Variants in TUFM observed in about 807,000 individuals in gnomAD.
The protein encoded by TUFM is Tu translation elongation factor, mitochondrial.
TUFM carries 23 observed loss-of-function variants against 45.0 expected under a neutral mutation model. The observed-to-expected ratio is 0.51, with a 90% CI of 0.37 to 0.72. The LOEUF (loss-of-function observed/expected upper bound fraction) is 0.72. Ranked by LOEUF, TUFM falls within the 30% of genes least tolerant of loss-of-function variation. The probability of loss-of-function intolerance (pLI) is 0.00; values close to 1 mark genes in which losing one functional copy is unlikely to be tolerated. For synonymous variants in TUFM, 243 were observed against 252.9 expected, an observed-to-expected ratio of 0.96 and a Z score of 0.37; for missense variants, 490 against 610.7, an observed-to-expected ratio of 0.80 and a Z score of 2.08.
chr16:28,845,205 C>T (rs1961908843), intron 3 of TUFM, 109 bp downstream of exon 3: 3 of 1,593,052 alleles, frequency 1.9e-6, no homozygotes, highest in Non-Finnish European at 1.7e-6. Flanking sequence ...ACAAACCTGC[C>T]ATCTCATACC....
Position 28,846,012 on chromosome 16 carries a change from C to T in TUFM, c.147G>A (p.Glu49=). ...TGTCGCGCACGTAAGTCTTCTTGGC[C>T]TCCACGGCCAGGCCGCGGCACAAGA... ...LPLLCRGLAV[E]AKKTYVRDKP... is the part of the protein sequence containing the mutation. The change falls in exon 2 of 10, where the codon GAG becomes GAA. Residue 49 remains glutamate, a synonymous_variant. Coordinates refer to ENST00000313511, the MANE Select transcript of TUFM (RefSeq NM_003321.5). 4 of 1,613,974 alleles carry T rather than the reference C, an allele frequency of 2.5e-6. No individual in the cohort carries two copies. Among genetic ancestry groups the T allele is most frequent in the Non-Finnish European group, 2.5e-6 (3 of 1,180,044 alleles).
In TUFM at chr16:28,843,131, C is replaced by T. The variant is rs753588078; in HGVS notation, c.1212G>A (p.Gly404=). The change falls in exon 10 of 10, where the codon GGG becomes GGA. Residue 404 remains glycine (G), a synonymous_variant. Transcript: ENST00000313511. ...AGATTAGGTTGAACTTCAGGTCCTC[C>T]CCGGGCATGGCAAGCTCCTAGAGTA... is the stretch of plus-strand genomic sequence containing the variant. ...LPPEKELAMP[G]EDLKFNLILR... is the part of the protein sequence containing the mutation. 18 of 1,614,078 alleles carry T rather than the reference C, an allele frequency of 1.1e-5. No homozygotes were observed. Among genetic ancestry groups the T allele is most frequent in the Admixed American group, 1.7e-5 (1 of 59,996 alleles).
intron 9 of TUFM, 81 bp downstream of exon 9, chr16:28,843,655 G>A (rs911278993): frequency 1.1e-5 from 17 of 1,591,478 alleles, no homozygotes; most frequent in Non-Finnish European, 1.4e-5. Context: ...GGTTGTCACA[G>A]TGTATCTTTG....
In TUFM at chr16:28,844,023, C is replaced by T. The variant is rs753682714; in HGVS notation, c.1001G>A (p.Arg334Gln). 9.9e-6 allele frequency: 16 copies of T among 1,614,208 alleles called. No individual in the cohort carries two copies. Among genetic ancestry groups the T allele is most frequent in the South Asian group, 5.5e-5 (5 of 91,082 alleles). The change falls in exon 8 of 10, where the codon CGG becomes CAG. Residue 334 changes from arginine (R) to glutamine (Q), a missense_variant. Coordinates refer to ENST00000313511, the MANE Select transcript of TUFM (RefSeq NM_003321.5). The surrounding 1 kb of genome is among the most constrained non-coding windows in gnomAD (Gnocchi z 5.8). The stretch of plus-strand genomic sequence containing the variant: ...GACCAGGCCCCGCCGCAAGTCCTCC[C>T]GCTTCAAGCCTCGGACCAGGGCCCC... ...NLGALVRGLKREDLRRGLVMV... is the reference protein window; with the variant it reads ...NLGALVRGLKQEDLRRGLVMV...
rs763468042 is a variant in TUFM, at chr16:28,844,110, G to T, written c.923-9C>A. 5.8e-5 allele frequency: 93 copies of T among 1,614,100 alleles called. No homozygotes were observed. The highest frequency in any genetic ancestry group is 7.8e-5 in the Non-Finnish European group (92 of 1,180,048). ...GTGGAACATCTCAATGCCTAGGACG[G>T]AAAGGGAAAAGGAGCAGGGAGAAGG... On this transcript the variant is annotated splice_polypyrimidine_tract_variant and intron_variant, in intron 7 of 9. Coordinates refer to ENST00000313511, the MANE Select transcript of TUFM (RefSeq NM_003321.5). The surrounding 1 kb of genome is among the most constrained non-coding windows in gnomAD (Gnocchi z 5.8).
chr16:28,844,864 T>C lies in TUFM; in HGVS notation c.520-2A>G. 6.2e-7 allele frequency: 1 copy of C among 1,614,112 alleles called. No individual in the cohort carries two copies. Among genetic ancestry groups the C allele is most frequent in the Non-Finnish European group, 8.5e-7 (1 of 1,180,032 alleles). On this transcript the variant is annotated splice_acceptor_variant, in intron 4 of 9. Coordinates refer to ENST00000313511, the MANE Select transcript of TUFM (RefSeq NM_003321.5). LOFTEE classifies it high-confidence loss of function. This position sits in a 1 kb window ranked among gnomAD's most constrained non-coding sequence, Gnocchi z 5.8. ...CACCACCACATGCTCCACCCCAATC[T>C]GTAGATGCCAGAGAGACAGGGACAA...
At chr16:28,845,508 A>C in intron 2 of TUFM, 28 bp from the exon 3 acceptor site, 1 of 1,613,976 alleles carries the variant, frequency 6.2e-7, no homozygotes, top group Non-Finnish European at 8.5e-7. Context: ...CACACCTCTC[A>C]GCTAAAGTTC....
rs768955975 is a variant in TUFM, at chr16:28,844,782, C to T, written c.600G>A (p.Leu200=). 14 of 1,614,058 alleles carry T rather than the reference C, an allele frequency of 8.7e-6. 1 individual carries two copies. The highest frequency in any genetic ancestry group is 1.1e-5 in the Non-Finnish European group (13 of 1,180,034). ...QDSEMVELVE[L]EIRELLTEFG... ...ACTCGGTGAGCAGCTCCCGGATCTCCAGTTCCACCAGTTCCACCATCTCAG... is the reference window on the plus strand; with the variant it reads ...ACTCGGTGAGCAGCTCCCGGATCTCTAGTTCCACCAGTTCCACCATCTCAG... Residue 200 remains leucine (L), a synonymous_variant, in exon 5 of 10, where the codon CTG becomes CTA. Coordinates refer to ENST00000313511, the MANE Select transcript of TUFM (RefSeq NM_003321.5). The surrounding 1 kb of genome is among the most constrained non-coding windows in gnomAD (Gnocchi z 5.8).
At chr16:28,843,181 T>A in intron 9 of TUFM, 33 bp from the exon 10 acceptor site, 1 of 1,613,460 alleles carries the variant, frequency 6.2e-7, no homozygotes, top group Non-Finnish European at 8.5e-7. Context: ...ATGCGTGGCC[T>A]CCAGGGTGCC....
chr16:28,845,844 G>C (rs1961936911), intron 2 of TUFM, 68 bp downstream of exon 2: 8 of 1,588,032 alleles, frequency 5.0e-6, no homozygotes, highest in African/African-American at 1.3e-5. Context: ...CACTCTGCTG[G>C]CCTTGCCTCC....
Position 28,845,967 on chromosome 16 carries a change from AC to A in TUFM, c.191del (p.Gly64ValfsTer13). 6.2e-7 allele frequency: 1 copy of A among 1,614,046 alleles called. No homozygotes were observed. The highest frequency in any genetic ancestry group is 8.5e-7 in the Non-Finnish European group (1 of 1,180,000). ...YVRDKPHVNV[G>X]TIGHVDHGKT... is the part of the protein sequence containing the mutation. ...TCCCGTGGTCCACATGGCCGATGGT[AC>A]CCACATTCACATGTGGCTTGTCGCG... On this transcript the variant is annotated frameshift_variant, in exon 2 of 10. Transcript: ENST00000313511. LOFTEE classifies it high-confidence loss of function.
chr16:28,845,167 T>C (rs894284118), intron 3 of TUFM, 112 bp from the exon 4 acceptor site: 29 of 1,556,508 alleles, frequency 1.9e-5, no homozygotes, highest in Non-Finnish European at 2.4e-5. Context: ...TACCATCTCC[T>C]CACCACCCAT....
intron 3 of TUFM, 75 bp from the exon 4 acceptor site, chr16:28,845,130 A>G (rs1316561885): frequency 1.0e-5 from 16 of 1,583,230 alleles, no homozygotes; most frequent in Non-Finnish European, 1.4e-5. Context: ...CAAGTGTAGC[A>G]GTTAGAAACT....
In TUFM at chr16:28,844,156, G is replaced by A. The variant is rs1961871507; in HGVS notation, c.923-55C>T. On this transcript the variant is annotated intron_variant, in intron 7 of 9. Transcript: ENST00000313511. This position sits in a 1 kb window ranked among gnomAD's most constrained non-coding sequence, Gnocchi z 5.8. Reference sequence around the variant, plus strand: ...GAAGGAAGGCGAATGTGAGACAGAGGGAAGGCACAAGGGATCTGCCGGGGT... The same window carrying A: ...GAAGGAAGGCGAATGTGAGACAGAGAGAAGGCACAAGGGATCTGCCGGGGT... The A allele has an allele frequency of 8.7e-6, 14 of 1,613,848 alleles. No individual in the cohort carries two copies. In the South Asian group the frequency reaches 1.3e-4, roughly 15 times the overall value.
intron 3 of TUFM, 91 bp from the exon 4 acceptor site, chr16:28,845,146 C>G: frequency 1.3e-6 from 2 of 1,565,864 alleles, no homozygotes; most frequent in Non-Finnish European, 1.8e-6. Flanking sequence ...AAACTCAGGC[C>G]CACCTTTCTC....
At position 28,843,914 on chromosome 16, in the gene TUFM, G is replaced by C. The variant is rs374996946; in HGVS notation, c.1074+36C>G. 3 of 1,613,956 alleles carry C rather than the reference G, an allele frequency of 1.9e-6. No homozygotes were observed. The African/African-American group carries it at 4.0e-5, about 22-fold the overall frequency. On this transcript the variant is annotated intron_variant, in intron 8 of 9. Coordinates refer to ENST00000313511, the MANE Select transcript of TUFM (RefSeq NM_003321.5). Reference sequence around the variant, plus strand: ...CTTGGCTGGAGGCTGGGGAGAGCTTGGCTCAACCCTGCCCACCGTCACCTG... The same window carrying C: ...CTTGGCTGGAGGCTGGGGAGAGCTTCGCTCAACCCTGCCCACCGTCACCTG...
Position 28,842,820 on chromosome 16 carries a change from G to A in TUFM, c.*155C>T. 1 of 989,078 alleles carries A rather than the reference G, an allele frequency of 1.0e-6. No homozygotes were observed. The highest frequency in any genetic ancestry group is 1.3e-5 in the South Asian group (1 of 75,684). 61.3% of individuals were successfully genotyped at this position (989,078 alleles called of 1,614,324 possible). On this transcript the variant is annotated 3_prime_UTR_variant, in exon 10 of 10. Coordinates refer to ENST00000313511, the MANE Select transcript of TUFM (RefSeq NM_003321.5). Reference sequence around the variant, plus strand: ...TATTCAAAGTTTACTGACCTCCCCAGCCAGGCAGGCCAACCCTTCCGAGCA... The same window carrying A: ...TATTCAAAGTTTACTGACCTCCCCAACCAGGCAGGCCAACCCTTCCGAGCA...
At chr16:28,845,111 CCATATAGCCAAGTGTAG>C in intron 3 of TUFM, 56 bp from the exon 4 acceptor site, 1 of 1,594,052 alleles carries the variant, frequency 6.3e-7, no homozygotes, top group Non-Finnish European at 8.6e-7. Flanking sequence ...CAGTTCACAT[CCATATAGCCAAGTGTAG>C]CAGTTAGAAA....
intron 2 of TUFM, among the ~76,000 whole-genome samples, 170 bp from the exon 3 acceptor site, chr16:28,845,650 T>G (rs1247376669): frequency 6.6e-6 from 1 of 152,334 alleles, no homozygotes; most frequent in South Asian, 2.1e-4. Flanking sequence ...CTTAAGGGTC[T>G]GCCCTGTGAC....
Sources: allele counts gnomAD v4.1 joint callset (sites outside exome capture counted in the v4.1 genomes callset), GRCh38; gene constraint gnomAD v4.1.1; non-coding constraint Gnocchi (gnomAD v3.1); transcripts MANE v1.5; gene names NCBI Gene and HGNC (gene_info 2026-07-23, HGNC 2026-07-21).